Variants in FETUB observed in about 807,000 individuals in gnomAD.
FETUB encodes the protein fetuin B.
In FETUB, 28 loss-of-function variants were observed where a neutral mutation model predicts 30.9. The observed-to-expected ratio is 0.90, with a 90% CI of 0.67 to 1.24. FETUB has a LOEUF of 1.24. FETUB is among the 50% of genes most tolerant of loss of function. The probability of loss-of-function intolerance (pLI) is 0.00; values close to 1 mark genes in which losing one functional copy is unlikely to be tolerated. For missense variants in FETUB, 469 were observed against 455.3 expected, an observed-to-expected ratio of 1.03 and a Z score of -0.27; for synonymous variants, 186 against 175.9, an observed-to-expected ratio of 1.06 and a Z score of -0.45.
chr3:186,642,871 AT>A (rs538777806), intron 3 of FETUB, among the ~76,000 whole-genome samples: 215 of 152,082 alleles, frequency 1.4e-3, no homozygotes, highest in African/African-American at 5.0e-3. Context: ...CTCTGCCATT[AT>A]TTCCCAGACT....
intron 2 of FETUB, chr3:186,641,864 T>A (rs1717083132): frequency 6.6e-6 from 1 of 152,384 alleles, no homozygotes; most frequent in Admixed American, 6.5e-5. Context: ...GTACCCAACT[T>A]GATTTTGAAA....
chr3:186,638,372 G>T (rs1716836622), upstream of FETUB, among the ~76,000 whole-genome samples: 2 of 152,270 alleles, frequency 1.3e-5, no homozygotes, highest in South Asian at 4.1e-4. Flanking sequence ...CTACAGGCAG[G>T]TGCAACTGTG....
intron 5 of FETUB, among the ~76,000 whole-genome samples, chr3:186,650,930 G>A (rs1444912878): frequency 2.6e-5 from 4 of 152,208 alleles, no homozygotes; most frequent in Non-Finnish European, 4.4e-5. Flanking sequence ...AGGCCAAGAG[G>A]TAGAAGTTGT....
rs748019543 is a variant in FETUB at position 186,652,388 on chromosome 3, A to G, written c.906A>G (p.Gly302=). 8.1e-6 allele frequency: 13 copies of G among 1,601,298 alleles called. No individual in the cohort carries two copies. The highest frequency in any genetic ancestry group is 1.0e-5 in the Non-Finnish European group (12 of 1,172,588). Residue 302 remains glycine, a synonymous_variant, in exon 7 of 7, where the codon GGA becomes GGG. Transcript: ENST00000265029. ...CCCCCTCCAAAGCTGGGCCAAGAGGATCTGTCCAATATCTTCCTGACTTGG... is the reference window on the plus strand; with the variant it reads ...CCCCCTCCAAAGCTGGGCCAAGAGGGTCTGTCCAATATCTTCCTGACTTGG... ...TDSPSKAGPR[G]SVQYLPDLDD...
upstream of FETUB, among the ~76,000 whole-genome samples, chr3:186,639,805 T>C (rs1716904248): frequency 1.3e-5 from 2 of 152,226 alleles, no homozygotes; most frequent in African/African-American, 4.8e-5. Context: ...AGAATAGGCT[T>C]GAAATACAAT....
At chr3:186,636,119 G>A (rs1443030929), upstream of FETUB, 1 of 152,230 alleles carries the variant, frequency 6.6e-6, no homozygotes, top group Non-Finnish European at 1.5e-5. Flanking sequence ...TGGGTCCTCA[G>A]GAACCCTGAA....
chr3:186,640,303 T>C (rs1385531629), upstream of FETUB: 3 of 654,458 alleles, frequency 4.6e-6, no homozygotes, highest in Non-Finnish European at 8.2e-6. Context: ...CTATCCAAAG[T>C]ACTGACTTAG....
rs897514498 is a variant in FETUB at position 186,649,931 on chromosome 3, C to T, written c.697-1287C>T. Among the ~76,000 whole-genome samples the T allele has an allele frequency of 4.6e-5, 7 of 152,074 alleles. No individual in the cohort carries two copies. The South Asian group carries it at 6.2e-4, about 14-fold the overall frequency. On this transcript the variant is annotated intron_variant, in intron 5 of 6. Transcript: ENST00000265029. ...TTCTGAGTCATTTCACTTAGAATAACGGCCTCCAGTTCCATCCATGTTGAT... is the reference window on the plus strand; with the variant it reads ...TTCTGAGTCATTTCACTTAGAATAATGGCCTCCAGTTCCATCCATGTTGAT...
chr3:186,644,551 G>A (rs1386840884), intron 3 of FETUB, among the ~76,000 whole-genome samples, 200 bp from the exon 4 acceptor site: 1 of 152,156 alleles, frequency 6.6e-6, no homozygotes, highest in African/African-American at 2.4e-5. Context: ...TGTGTGAGGT[G>A]AAAACTTTGC....
intron 6 of FETUB, chr3:186,651,692 G>C (rs994576662): frequency 2.5e-4 from 52 of 208,662 alleles, no homozygotes; most frequent in African/African-American, 1.0e-3. Flanking sequence ...GTATATTTGA[G>C]AGGCAGTTTA....
upstream of FETUB, among the ~76,000 whole-genome samples, chr3:186,638,694 C>T (rs959549524): frequency 6.6e-5 from 10 of 152,254 alleles, no homozygotes; most frequent in East Asian, 1.9e-4. Context: ...ATTTTAGTTG[C>T]ACTCATGGCC....
Position 186,644,878 on chromosome 3 carries a change from C to CA in FETUB, c.554dup (p.Gln186AlafsTer12), listed in dbSNP as rs769014961. ...CGAAATACAACAATGAGAACACATC[C>CA]AAGCAGTATTCTCTCTTCAAAGTCA... On this transcript the variant is annotated frameshift_variant, in exon 4 of 7. Transcript: ENST00000265029. LOFTEE classifies it high-confidence loss of function. 1 of 1,613,872 alleles carries CA rather than the reference C, an allele frequency of 6.2e-7. No homozygotes were observed. Among genetic ancestry groups the CA allele is most frequent in the Non-Finnish European group, 8.5e-7 (1 of 1,179,958 alleles).
chr3:186,638,636 C>T (rs73061451), upstream of FETUB, among the ~76,000 whole-genome samples: 704 of 152,220 alleles, frequency 4.6e-3, 6 homozygotes, highest in African/African-American at 0.015. Context: ...TGGTGGTGCA[C>T]GATTTCCATG....
intron 4 of FETUB, 147 bp downstream of exon 4, chr3:186,645,067 T>C: frequency 1.7e-6 from 1 of 588,846 alleles, no homozygotes; most frequent in East Asian, 2.9e-5. Flanking sequence ...ATAGACCTGA[T>C]GCCCATTCTA....
chr3:186,637,104 C>T (rs967361402), upstream of FETUB, among the ~76,000 whole-genome samples: 8 of 152,166 alleles, frequency 5.3e-5, no homozygotes, highest in African/African-American at 1.9e-4. Context: ...ATAGTGGCAC[C>T]TACAGGCCTC....
upstream of FETUB, among the ~76,000 whole-genome samples, chr3:186,639,982 G>A (rs919084087): frequency 1.3e-4 from 20 of 152,134 alleles, no homozygotes; most frequent in Non-Finnish European, 1.8e-4. Context: ...CTACCTCCCT[G>A]ATCTAACAAG....
intron 3 of FETUB, 25 bp downstream of exon 3, chr3:186,642,583 A>C: frequency 5.0e-6 from 7 of 1,387,938 alleles, no homozygotes; most frequent in Non-Finnish European, 7.2e-6. Flanking sequence ...CGATTTTGTT[A>C]GTTTTAATAA....
chr3:186,646,128 T>C (rs1410672118), intron 4 of FETUB, 120 bp from the exon 5 acceptor site: 5 of 684,176 alleles, frequency 7.3e-6, no homozygotes, highest in African/African-American at 5.3e-5. Flanking sequence ...ACAACAGATA[T>C]GTGCCTTGAC....
At chr3:186,642,248 A>G in intron 2 of FETUB, 1 of 507,322 alleles carries the variant, frequency 2.0e-6, no homozygotes, top group Non-Finnish European at 3.5e-6. Context: ...TCAATTATAC[A>G]CAGTCACACG....
Sources: gnomAD v4.1 joint callset for allele counts (sites outside exome capture counted in the v4.1 genomes callset) on GRCh38, gnomAD v4.1.1 for gene constraint, MANE v1.5 for transcripts, NCBI Gene and HGNC (gene_info 2026-07-23, HGNC 2026-07-21) for gene names.